OSBPL2: variants seen among roughly 807,000 people sequenced by gnomAD.
OSBPL2 encodes the protein oxysterol binding protein like 2, also known as oxysterol-binding protein-related protein 2.
Under a neutral mutation model 58.4 loss-of-function variants are expected in OSBPL2, and 18 were observed. That is an observed-to-expected ratio of 0.31 (90% CI 0.21 to 0.46). The LOEUF is 0.46. OSBPL2 is among the 20% of genes least tolerant of loss of function. The pLI is 1.00. For missense variants in OSBPL2, 461 were observed against 616.5 expected (o/e 0.75, Z 2.67); for synonymous variants, 221 against 234.1 (o/e 0.94, Z 0.51).
chr20:62,271,504 G>A (rs1358971645), intron 4 of OSBPL2: 1 of 152,468 alleles, frequency 6.6e-6, no homozygotes, highest in African/African-American at 2.4e-5. Context: ...CAGGCTGGAG[G>A]GCAATAGCAT....
intron 6 of OSBPL2, among the ~76,000 whole-genome samples, chr20:62,275,528 G>A (rs1982332799): frequency 6.6e-6 from 1 of 151,906 alleles, no homozygotes; most frequent in African/African-American, 2.4e-5. Context: ...GCTCACTGTA[G>A]CCTCGACCTC....
rs183521963 is a variant in OSBPL2 at position 62,248,074 on chromosome 20, T to A, written c.-128-7983T>A. On this transcript the variant is annotated intron_variant, in intron 1 of 13. Coordinates refer to ENST00000313733, the MANE Select transcript of OSBPL2 (RefSeq NM_144498.4). ...TGCACAGTTGTTTATTTGTTAGTGC[T>A]GCTTGCTGATGTATTTTTAAATTAT... Among the ~76,000 whole-genome samples the A allele has an allele frequency of 2.4e-3, 359 of 152,284 alleles. 1 individual carries two copies. Among genetic ancestry groups the A allele is most frequent in the Non-Finnish European group, 4.4e-3 (299 of 68,016 alleles).
At chr20:62,267,421 C>T (rs1213936274) in intron 4 of OSBPL2, among the ~76,000 whole-genome samples, 3 of 152,064 alleles carry the variant, frequency 2.0e-5, no homozygotes, top group Non-Finnish European at 4.4e-5. Flanking sequence ...TCAAGGTGGC[C>T]CGGAGTCCTT....
intron 3 of OSBPL2, among the ~76,000 whole-genome samples, chr20:62,262,946 C>T (rs1169680859): frequency 6.6e-6 from 1 of 152,162 alleles, no homozygotes; most frequent in Non-Finnish European, 1.5e-5. Context: ...GCACGCCTCT[C>T]CCCAAATCCA....
chr20:62,266,509 G>T (rs1356467897), intron 4 of OSBPL2, among the ~76,000 whole-genome samples: 1 of 152,158 alleles, frequency 6.6e-6, no homozygotes, highest in African/African-American at 2.4e-5. Flanking sequence ...GATCCGCAGT[G>T]ATTGGCTGTG....
intron 11 of OSBPL2, among the ~76,000 whole-genome samples, chr20:62,287,009 G>A (rs1005517914): frequency 4.6e-5 from 7 of 152,238 alleles, no homozygotes; most frequent in East Asian, 3.8e-4. Context: ...AGAGCTGCCC[G>A]CCGGGCACAC....
chr20:62,281,170 C>G lies in OSBPL2; in HGVS notation c.782+5C>G. 1.3e-6 allele frequency: 2 copies of G among 1,597,466 alleles called. No homozygotes were observed. Among genetic ancestry groups the G allele is most frequent in the Non-Finnish European group, 8.6e-7 (1 of 1,165,452 alleles). On this transcript the variant is annotated splice_donor_5th_base_variant and intron_variant, in intron 8 of 13. Transcript: ENST00000313733. The stretch of plus-strand genomic sequence containing the variant: ...AGTGGAGATTTTAAACCACAGGTGA[C>G]AGCACCCCACCGTTGGGTGAGAGCG...
chr20:62,266,599 A>G (rs1044427964), intron 4 of OSBPL2, among the ~76,000 whole-genome samples: 29 of 151,228 alleles, frequency 1.9e-4, no homozygotes, highest in African/African-American at 6.1e-4. Context: ...CTGGATCCGC[A>G]GTGATTGGCT....
chr20:62,287,211 A>G (rs994268224), intron 11 of OSBPL2, among the ~76,000 whole-genome samples: 2 of 125,260 alleles, frequency 1.6e-5, no homozygotes, highest in Non-Finnish European at 3.7e-5. Context: ...GATAAACTAC[A>G]TGTTTTATGA....
rs56127103 is a variant in OSBPL2, at chr20:62,269,058, CAAAA to C, written c.259-3056_259-3053del. On this transcript the variant is annotated intron_variant, in intron 4 of 13. Transcript: ENST00000313733. This position sits in a 1 kb window ranked among gnomAD's most constrained non-coding sequence, Gnocchi z 4.2. ...TAGGCGACAGTGTGAGACTCCAACT[CAAAA>C]AAAAAAAAAATGTTTTTTTGTAGAG... Among the ~76,000 whole-genome samples, 1 of 135,836 alleles carries C rather than the reference CAAAA, an allele frequency of 7.4e-6. No individual in the cohort carries two copies. The highest frequency in any genetic ancestry group is 1.6e-5 in the Non-Finnish European group (1 of 62,596). 89.1% of individuals were successfully genotyped at this position (135,836 alleles called of 152,430 possible). A position where few individuals can be genotyped will look rare whatever the true frequency, so the allele number is the denominator to read the frequency against.
At chr20:62,279,068 C>T (rs1601189732) in intron 6 of OSBPL2, 89 bp from the exon 7 acceptor site, 1 of 1,141,934 alleles carries the variant, frequency 8.8e-7, no homozygotes, top group Non-Finnish European at 1.2e-6. Flanking sequence ...TTCCCAGCGT[C>T]CTGTGAGGGG....
Position 62,284,182 on chromosome 20 carries a change from G to T in OSBPL2, c.996+13G>T, listed in dbSNP as rs201693120. 1 of 1,614,048 alleles carries T rather than the reference G, an allele frequency of 6.2e-7. No homozygotes were observed. The highest frequency in any genetic ancestry group is 2.2e-5 in the East Asian group (1 of 44,868). The stretch of plus-strand genomic sequence containing the variant: ...AAAGGCCAAGCTGGTAAGGGCTGGG[G>T]CGTCCCCGGGCAGAGCTGAGCCCTG... On this transcript the variant is annotated intron_variant, in intron 10 of 13. Transcript: ENST00000313733.
At chr20:62,253,682 G>A (rs890707945) in intron 1 of OSBPL2, among the ~76,000 whole-genome samples, 2 of 149,762 alleles carry the variant, frequency 1.3e-5, no homozygotes, top group Non-Finnish European at 1.5e-5. Context: ...AGAGAGGAGG[G>A]AAGAGAGCGG....
At position 62,288,329 on chromosome 20, in the gene OSBPL2, T is replaced by G. The variant is rs1038836914; in HGVS notation, c.1126-878T>G. Among the ~76,000 whole-genome samples the G allele has an allele frequency of 6.6e-6, 1 of 151,944 alleles. No homozygotes were observed. Among genetic ancestry groups the G allele is most frequent in the African/African-American group, 2.4e-5 (1 of 41,340 alleles). On this transcript the variant is annotated intron_variant, in intron 11 of 13. Transcript: ENST00000313733. The surrounding 1 kb of genome is among the most constrained non-coding windows in gnomAD (Gnocchi z 4.8). The stretch of plus-strand genomic sequence containing the variant: ...ACGGGTGGTGGCTGGAGGGCCTGGC[T>G]GTGGTGGGAGGACCTGAGTGGAGCC...
chr20:62,248,150 CT>C (rs1980264811), intron 1 of OSBPL2, among the ~76,000 whole-genome samples: 1 of 107,936 alleles, frequency 9.3e-6, no homozygotes, highest in Admixed American at 1.2e-4. Context: ...TTTTTCTTTT[CT>C]TTTCTTTTTT....
intron 1 of OSBPL2, among the ~76,000 whole-genome samples, chr20:62,241,382 T>C (rs997800294): frequency 2.0e-5 from 3 of 152,220 alleles, no homozygotes; most frequent in Non-Finnish European, 4.4e-5. Flanking sequence ...GATTTGTCAT[T>C]AAAGCTTGCT....
intron 3 of OSBPL2, among the ~76,000 whole-genome samples, chr20:62,262,694 G>A (rs1289066086): frequency 2.6e-5 from 4 of 152,202 alleles, no homozygotes; most frequent in Admixed American, 1.3e-4. Flanking sequence ...CATTCCCGGG[G>A]CATAGCTCGG....
At chr20:62,291,448 T>C (rs1983502209) in intron 12 of OSBPL2, 1 of 486,824 alleles carries the variant, frequency 2.1e-6, no homozygotes, top group Admixed American at 3.1e-5. Context: ...AGACTTTGAG[T>C]AGTGCTGTCG....
intron 3 of OSBPL2, 126 bp downstream of exon 3, chr20:62,260,251 C>T: frequency 1.2e-6 from 1 of 844,436 alleles, no homozygotes; most frequent in Non-Finnish European, 1.9e-6. Flanking sequence ...GTCTGGCCTC[C>T]CCATCCGGAC....
Sources: gnomAD v4.1 joint callset for allele counts (sites outside exome capture counted in the v4.1 genomes callset) on GRCh38, gnomAD v4.1.1 for gene constraint, Gnocchi (gnomAD v3.1) non-coding constraint, MANE v1.5 for transcripts, NCBI Gene and HGNC (gene_info 2026-07-23, HGNC 2026-07-21) for gene names.